PPP1R13B: variants seen among roughly 807,000 people sequenced by gnomAD.
PPP1R13B encodes the protein protein phosphatase 1 regulatory subunit 13B.
A neutral mutation model predicts 119.8 loss-of-function variants in PPP1R13B; 44 were observed. The ratio of observed to expected loss-of-function variants is 0.37; its 90% CI spans 0.29 to 0.47. The LOEUF (loss-of-function observed/expected upper bound fraction) is 0.47. Among genes scored for constraint, PPP1R13B ranks in the 20% least tolerant of loss-of-function variants. PPP1R13B has a pLI of 0.99. For missense variants in PPP1R13B, 1,227 were observed against 1,413.5 expected, an observed-to-expected ratio of 0.87 and a Z score of 2.12; for synonymous variants, 542 against 561.5, an observed-to-expected ratio of 0.97 and a Z score of 0.49.
intron 4 of PPP1R13B, 51 bp from the exon 5 acceptor site, chr14:103,757,802 TGTCTC>T (rs1432450354): frequency 6.7e-7 from 1 of 1,484,910 alleles, no homozygotes; most frequent in African/African-American, 1.4e-5. Flanking sequence ...CATAATTGTC[TGTCTC>T]TAGTGTCAAA....
At position 103,734,628 on chromosome 14, in the gene PPP1R13B, G is replaced by T. The variant is rs2084042545; in HGVS notation, c.*526C>A. On this transcript the variant is annotated 3_prime_UTR_variant, in exon 17 of 17. Coordinates refer to ENST00000202556, the MANE Select transcript of PPP1R13B (RefSeq NM_015316.3). The stretch of plus-strand genomic sequence containing the variant: ...TGGGTACTGGGAGGCATACACACTG[G>T]GCAGCAACACTGGACATGTTTCCAT... 2 of 456,438 alleles carry T rather than the reference G, an allele frequency of 4.4e-6. No homozygotes were observed. The highest frequency in any genetic ancestry group is 4.4e-6 in the Non-Finnish European group (1 of 226,830). 28.3% of individuals were successfully genotyped at this position (456,438 alleles called of 1,614,324 possible).
chr14:103,766,146 C>T (rs988751465), intron 4 of PPP1R13B, among the ~76,000 whole-genome samples: 4 of 151,798 alleles, frequency 2.6e-5, no homozygotes, highest in Non-Finnish European at 5.9e-5. Context: ...ATAGCTGGGA[C>T]CACAGACGTA....
rs193287074 is a variant in PPP1R13B at position 103,774,849 on chromosome 14, G to C, written c.354+3896C>G. Among the ~76,000 whole-genome samples the C allele has an allele frequency of 2.6e-5, 4 of 152,296 alleles. No individual in the cohort carries two copies. The East Asian group carries it at 7.7e-4, about 29-fold the overall frequency. ...GTTTTAGAAGGTAACGTATTATTAA[G>C]CTTAAAAGGTAGATGTGTAAGCCAT... is the stretch of plus-strand genomic sequence containing the variant. On this transcript the variant is annotated intron_variant, in intron 4 of 16. Coordinates refer to ENST00000202556, the MANE Select transcript of PPP1R13B (RefSeq NM_015316.3).
At chr14:103,830,392 A>C (rs966919144) in intron 1 of PPP1R13B, among the ~76,000 whole-genome samples, 1 of 152,132 alleles carries the variant, frequency 6.6e-6, no homozygotes, top group Non-Finnish European at 1.5e-5. Flanking sequence ...CACCTTGCCC[A>C]GCCTCTTTTA....
intron 1 of PPP1R13B, among the ~76,000 whole-genome samples, chr14:103,831,471 C>T (rs1186834901): frequency 2.7e-5 from 4 of 150,562 alleles, no homozygotes; most frequent in African/African-American, 9.7e-5. Flanking sequence ...TCACCACACC[C>T]GGCTAATTTT....
chr14:103,739,739 C>T (rs1246975702), intron 12 of PPP1R13B, 85 bp downstream of exon 12: 7 of 1,436,122 alleles, frequency 4.9e-6, no homozygotes, highest in African/African-American at 4.3e-5. Flanking sequence ...GCTCCCAGCA[C>T]AGCCTGACCA....
intron 4 of PPP1R13B, among the ~76,000 whole-genome samples, chr14:103,778,407 G>A (rs1166524637): frequency 1.3e-5 from 2 of 151,572 alleles, no homozygotes; most frequent in Non-Finnish European, 2.9e-5. Flanking sequence ...GACTACAGGC[G>A]CATGCCACCA....
At chr14:103,810,233 C>T (rs1380559057) in intron 1 of PPP1R13B, among the ~76,000 whole-genome samples, 1 of 151,026 alleles carries the variant, frequency 6.6e-6, no homozygotes, top group East Asian at 2.0e-4. Flanking sequence ...ACCAGCCTGG[C>T]CAACATGGTG....
chr14:103,757,533 C>T (rs2084706898), intron 5 of PPP1R13B, 117 bp downstream of exon 5: 1 of 866,964 alleles, frequency 1.2e-6, no homozygotes, highest in South Asian at 1.6e-5. Context: ...TTTAGCACTC[C>T]TATGGCATGG....
intron 16 of PPP1R13B, among the ~76,000 whole-genome samples, chr14:103,735,646 T>A (rs538210698): frequency 1.3e-5 from 2 of 152,212 alleles, no homozygotes; most frequent in East Asian, 3.9e-4. Flanking sequence ...TTCCCACCTC[T>A]CCCTCCACTG....
In PPP1R13B at chr14:103,734,756, G is replaced by A. The variant is rs573299837; in HGVS notation, c.*398C>T. On this transcript the variant is annotated 3_prime_UTR_variant, in exon 17 of 17. Coordinates refer to ENST00000202556, the MANE Select transcript of PPP1R13B (RefSeq NM_015316.3). ...GACGGGGGGCAGGGCGGTCGCAGGG[G>A]AGCAGGCCTCACAGCGGCGGACAGT... 4.2e-4 allele frequency: 194 copies of A among 464,874 alleles called. 4 individuals carry two copies. Among genetic ancestry groups the A allele is most frequent in the South Asian group, 2.8e-3 (183 of 64,378 alleles). The allele number at this position is 464,874 out of a possible 1,614,324, so 28.8% of individuals were successfully genotyped here. A position where few individuals can be genotyped will look rare whatever the true frequency, so the allele number is the denominator to read the frequency against.
intron 1 of PPP1R13B, chr14:103,840,143 AAG>A (rs1271550534): frequency 6.6e-6 from 1 of 152,246 alleles, no homozygotes; most frequent in Non-Finnish European, 1.5e-5. Flanking sequence ...CAATCAAGCC[AAG>A]AAAGTGTCAC....
At chr14:103,783,570 C>A (rs1762543892) in intron 3 of PPP1R13B, among the ~76,000 whole-genome samples, 2 of 150,232 alleles carry the variant, frequency 1.3e-5, no homozygotes, top group Admixed American at 6.6e-5. Flanking sequence ...TTTTTTGAGA[C>A]AGGGTCTCTC....
At chr14:103,834,065 G>A (rs1458315268) in intron 1 of PPP1R13B, among the ~76,000 whole-genome samples, 1 of 152,122 alleles carries the variant, frequency 6.6e-6, no homozygotes. Context: ...TAAACACCAG[G>A]CTGATATAAG....
At chr14:103,794,900 G>A (rs1350112037) in intron 2 of PPP1R13B, among the ~76,000 whole-genome samples, 1 of 152,104 alleles carries the variant, frequency 6.6e-6, no homozygotes, top group Non-Finnish European at 1.5e-5. Context: ...CCGCCTTCAG[G>A]AATTTTAGTC....
chr14:103,758,465 A>G, intron 4 of PPP1R13B, among the ~76,000 whole-genome samples: 1 of 152,238 alleles, frequency 6.6e-6, no homozygotes, highest in East Asian at 1.9e-4. Context: ...TGCGAGGCAA[A>G]GCAGAGACAC....
intron 1 of PPP1R13B, among the ~76,000 whole-genome samples, chr14:103,842,207 G>A (rs2086924649): frequency 6.6e-6 from 1 of 150,980 alleles, no homozygotes; most frequent in African/African-American, 2.4e-5. Context: ...TCCTAGGACA[G>A]AAATAAGTAG....
intron 1 of PPP1R13B, among the ~76,000 whole-genome samples, chr14:103,808,762 A>G (rs1316615075): frequency 6.6e-6 from 1 of 152,240 alleles, no homozygotes; most frequent in African/African-American, 2.4e-5. Flanking sequence ...GAAAAGGAAT[A>G]AAATTAACCT....
rs78480075 is a variant in PPP1R13B, at chr14:103,778,596, G to A, written c.354+149C>T. The A allele has an allele frequency of 4.0e-3, 2,569 of 648,504 alleles. 49 individuals carry two copies. The African/African-American group carries it at 0.041, about 10-fold the overall frequency. 40.2% of individuals were successfully genotyped at this position (648,504 alleles called of 1,614,324 possible). On this transcript the variant is annotated intron_variant, in intron 4 of 16. Coordinates refer to ENST00000202556, the MANE Select transcript of PPP1R13B (RefSeq NM_015316.3). ...TTTTTTAAAACCTTTTATAGACAGA[G>A]GGTCTCACCATCTTGCTCCAGCTGA...
Sources: gnomAD v4.1 joint callset for allele counts (sites outside exome capture counted in the v4.1 genomes callset) on GRCh38, gnomAD v4.1.1 for gene constraint, MANE v1.5 for transcripts, NCBI Gene and HGNC (gene_info 2026-07-23, HGNC 2026-07-21) for gene names.